ZBTB1: variants seen among roughly 807,000 people sequenced by gnomAD.
ZBTB1 encodes the protein zinc finger and BTB domain-containing protein 1.
In ZBTB1, 13 loss-of-function variants were observed where a neutral mutation model predicts 51.6. That is an observed-to-expected ratio of 0.25 (90% CI 0.16 to 0.40). The LOEUF (loss-of-function observed/expected upper bound fraction) is 0.40. ZBTB1 is among the 10% of genes least tolerant of loss of function. The pLI is 1.00. For synonymous variants in ZBTB1, 240 were observed against 282.2 expected, an observed-to-expected ratio of 0.85 and a Z score of 1.50; for missense variants, 567 against 856.5, an observed-to-expected ratio of 0.66 and a Z score of 4.22.
intron 1 of ZBTB1, among the ~76,000 whole-genome samples, chr14:64,508,009 G>T (rs2079684980): frequency 6.6e-6 from 1 of 152,182 alleles, no homozygotes; most frequent in South Asian, 2.1e-4. Context: ...AATGACCGCT[G>T]TTTTCAGATG....
At chr14:64,509,212 A>G (rs1428910209) in intron 1 of ZBTB1, among the ~76,000 whole-genome samples, 2 of 152,320 alleles carry the variant, frequency 1.3e-5, no homozygotes, top group Non-Finnish European at 2.9e-5. Flanking sequence ...TCTACAAACA[A>G]TACAAAAGTT....
intron 1 of ZBTB1, among the ~76,000 whole-genome samples, chr14:64,517,777 ATATATTT>A (rs1369051981): frequency 1.1e-3 from 48 of 43,030 alleles, no homozygotes; most frequent in East Asian, 3.8e-3. Context: ...ATATATATAT[ATATATTT>A]TTTTTTTTTT....
chr14:64,531,714 C>A, intron 2 of ZBTB1: 1 of 800,124 alleles, frequency 1.2e-6, no homozygotes, highest in Non-Finnish European at 2.0e-6. Context: ...AGGGGCTATG[C>A]TTGTGTTTCT....
chr14:64,522,108 T>C lies in ZBTB1; in HGVS notation c.604T>C (p.Ser202Pro), dbSNP rs2079865569. ...TAAAAAAAGTTCCGTGTCCAAATTA[T>C]CTACTCCAAAAGAACGTGTGTCAAG... ...VCKKSSVSKLSTPKERVSRRF... is the reference protein window; with the variant it reads ...VCKKSSVSKLPTPKERVSRRF... Residue 202 changes from serine to proline, a missense_variant, in exon 2 of 2, where the codon TCT becomes CCT. Around this residue, in one of 5 missense-constraint regions of ZBTB1, gnomAD observed 26 missense variants for 67.0 expected, o/e 0.39. Transcript: ENST00000683701. The C allele has an allele frequency of 1.2e-6, 2 of 1,614,232 alleles. No individual in the cohort carries two copies. Among genetic ancestry groups the C allele is most frequent in the Non-Finnish European group, 8.5e-7 (1 of 1,180,038 alleles).
chr14:64,508,846 A>T (rs1243814587), intron 1 of ZBTB1, among the ~76,000 whole-genome samples: 3 of 152,164 alleles, frequency 2.0e-5, no homozygotes, highest in African/African-American at 7.2e-5. Context: ...TCATTCAAAA[A>T]CTCATCAAGT....
chr14:64,533,531 TATAA>T (rs2079959243), exon 3 of ZBTB1: 1 of 152,582 alleles, frequency 6.6e-6, no homozygotes, highest in Non-Finnish European at 1.5e-5. Context: ...TGTAATGAAT[TATAA>T]TAATTATAAA....
intron 2 of ZBTB1, among the ~76,000 whole-genome samples, chr14:64,529,996 A>T (rs1371259730): frequency 6.6e-6 from 1 of 152,232 alleles, no homozygotes; most frequent in African/African-American, 2.4e-5. Flanking sequence ...AACAAATGAA[A>T]GATAATTTCA....
At chr14:64,504,240 C>G (rs990332512), upstream of ZBTB1, 3 of 150,432 alleles carry the variant, frequency 2.0e-5, no homozygotes, top group African/African-American at 7.4e-5. Context: ...CCAGAGGCAG[C>G]AGGCCCACGG....
chr14:64,511,942 G>T (rs1360712223), intron 1 of ZBTB1, among the ~76,000 whole-genome samples: 1 of 152,212 alleles, frequency 6.6e-6, no homozygotes, highest in Non-Finnish European at 1.5e-5. Flanking sequence ...GACCAGGATT[G>T]AGGAGACCAA....
chr14:64,505,291 A>C, intron 1 of ZBTB1: 1 of 173,874 alleles, frequency 5.8e-6, no homozygotes, highest in Non-Finnish European at 1.2e-5. Context: ...CGGTTGATTG[A>C]CGTGCCTAGA....
rs369385446 is a variant in ZBTB1, at chr14:64,521,636, C to T, written c.132C>T (p.Ala44=). 6.2e-7 allele frequency: 1 copy of T among 1,614,102 alleles called. No individual in the cohort carries two copies. The highest frequency in any genetic ancestry group is 1.1e-5 in the South Asian group (1 of 91,086). The part of the protein sequence containing the change: ...YFQAHKAVLA[A]CSSYFRMFFM... ...AAGCACACAAGGCAGTTCTAGCTGC[C>T]TGTAGCTCCTATTTTAGAATGTTTT... The change falls in exon 2 of 2, where the codon GCC becomes GCT. Residue 44 remains alanine (A), a synonymous_variant. Coordinates refer to ENST00000683701, the MANE Select transcript of ZBTB1 (RefSeq NM_001123329.2).
rs764358862 is a variant in ZBTB1, at chr14:64,523,613, A to C, written c.2109A>C (p.Ser703=). ...TTAATTTGAGGAAAGATATGAGATC[A>C]CATTATAATGCCAAGCATTTGAAAA... ...AKFNLRKDMR[S]HYNAKHLKRT is the part of the protein sequence containing the mutation. Residue 703 remains serine (S), a synonymous_variant, in exon 2 of 2, where the codon TCA becomes TCC. Transcript: ENST00000683701. The surrounding 1 kb of genome is among the most constrained non-coding windows in gnomAD (Gnocchi z 4.5). The C allele has an allele frequency of 6.4e-6, 10 of 1,551,058 alleles. No homozygotes were observed. The highest frequency in any genetic ancestry group is 8.7e-6 in the Non-Finnish European group (10 of 1,146,720).
intron 1 of ZBTB1, among the ~76,000 whole-genome samples, chr14:64,508,602 A>T (rs1421396835): frequency 6.6e-6 from 1 of 152,210 alleles, no homozygotes; most frequent in South Asian, 2.1e-4. Flanking sequence ...GCTTCTACTT[A>T]CAAGATAAGC....
intron 1 of ZBTB1, among the ~76,000 whole-genome samples, chr14:64,520,245 C>A (rs868159521): frequency 6.6e-6 from 1 of 152,084 alleles, no homozygotes; most frequent in Non-Finnish European, 1.5e-5. Context: ...CCTCGTGATC[C>A]GCCCGCCTCG....
exon 3 of ZBTB1, chr14:64,533,402 C>A (rs2079957846): frequency 6.6e-6 from 1 of 152,236 alleles, no homozygotes; most frequent in South Asian, 2.1e-4. Context: ...AAGAATATTA[C>A]CAATAATTAA....
In ZBTB1 at chr14:64,524,092, C is replaced by T; in HGVS notation, c.*446C>T. On this transcript the variant is annotated 3_prime_UTR_variant, in exon 2 of 2. Coordinates refer to ENST00000683701, the MANE Select transcript of ZBTB1 (RefSeq NM_001123329.2). ...TAATTATTTGAAACTATCCCGTTTG[C>T]TTTTAGTGAGTTAACTACTCTTTAT... The T allele has an allele frequency of 4.1e-6, 4 of 984,062 alleles. No homozygotes were observed. Among genetic ancestry groups the T allele is most frequent in the Non-Finnish European group, 4.8e-6 (4 of 829,282 alleles). 61.0% of individuals were successfully genotyped at this position (984,062 alleles called of 1,614,324 possible).
At chr14:64,527,682 G>A (rs1319986517), downstream of ZBTB1, among the ~76,000 whole-genome samples, 1 of 152,046 alleles carries the variant, frequency 6.6e-6, no homozygotes, top group Non-Finnish European at 1.5e-5. Flanking sequence ...CAAGGCAGGA[G>A]AATCTCTTGA....
At chr14:64,504,671 C>A, upstream of ZBTB1, 1 of 352,916 alleles carries the variant, frequency 2.8e-6, no homozygotes, top group Non-Finnish European at 5.1e-6. Flanking sequence ...GGCTGGCGGA[C>A]GCCGCAGCGA....
intron 1 of ZBTB1, chr14:64,511,428 C>T (rs542095351): frequency 2.6e-5 from 4 of 152,308 alleles, no homozygotes; most frequent in South Asian, 2.1e-4. Context: ...ACTACAGGAA[C>T]ATCTCACTTA....
Sources: gnomAD v4.1 joint callset for allele counts (sites outside exome capture counted in the v4.1 genomes callset) on GRCh38, gnomAD v4.1.1 for gene constraint, gnomAD v4.1.1 regional missense constraint, Gnocchi (gnomAD v3.1) non-coding constraint, MANE v1.5 for transcripts, NCBI Gene and HGNC (gene_info 2026-07-23, HGNC 2026-07-21) for gene names.